The following SH3BP4 variants were observed in gnomAD, a reference collection of about 807,000 sequenced individuals.
SH3BP4 encodes SH3 domain-binding protein 4.
In SH3BP4, 33 loss-of-function variants were observed where a neutral mutation model predicts 65.5. That is an observed-to-expected ratio of 0.50 (90% CI 0.38 to 0.67). The LOEUF (loss-of-function observed/expected upper bound fraction) is 0.67, where lower values mean the gene tolerates loss of function less well. SH3BP4 is among the 30% of genes least tolerant of loss of function. The pLI is 0.00. For missense variants in SH3BP4, 1,134 were observed against 1,261.4 expected (o/e 0.90, Z 1.53); for synonymous variants, 552 against 545.5 (o/e 1.01, Z -0.17).
chr2:234,970,412 A>G (rs1243457200), intron 1 of SH3BP4, among the ~76,000 whole-genome samples: 1 of 152,194 alleles, frequency 6.6e-6, no homozygotes, highest in Non-Finnish European at 1.5e-5. Flanking sequence ...TTTTAATTTT[A>G]AAAGCATCCT....
At position 235,054,351 on chromosome 2, in the gene SH3BP4, G is replaced by GA. The variant is rs1457028023; in HGVS notation, c.*540dup. 1 of 153,594 alleles carries GA rather than the reference G, an allele frequency of 6.5e-6. No homozygotes were observed. The highest frequency in any genetic ancestry group is 6.4e-5 in the Admixed American group (1 of 15,644). The allele number at this position is 153,594 out of a possible 1,614,324, so 9.5% of individuals were successfully genotyped here. A position where few individuals can be genotyped will look rare whatever the true frequency, so the allele number is the denominator to read the frequency against. On this transcript the variant is annotated 3_prime_UTR_variant, in exon 6 of 6. Transcript: ENST00000392011. ...GCGTGTAAGAAGGTGAATCACGTGG[G>GA]AAAAAGTGGCTTTTCAGTAAACGGG...
chr2:235,015,011 C>G (rs975453898), intron 2 of SH3BP4, among the ~76,000 whole-genome samples: 2 of 152,192 alleles, frequency 1.3e-5, no homozygotes, highest in Non-Finnish European at 1.5e-5. Flanking sequence ...ATCCTTTAAC[C>G]CCTTGTTTGG....
At chr2:235,016,773 T>C (rs1375936485) in intron 2 of SH3BP4, among the ~76,000 whole-genome samples, 1 of 152,232 alleles carries the variant, frequency 6.6e-6, no homozygotes, top group Admixed American at 6.5e-5. Context: ...CCTCCCGAAG[T>C]GCTGGGATAA....
At position 235,054,014 on chromosome 2, in the gene SH3BP4, G is replaced by A. The variant is rs948859687; in HGVS notation, c.*198G>A. The A allele has an allele frequency of 3.5e-5, 19 of 537,846 alleles. No homozygotes were observed. The highest frequency in any genetic ancestry group is 6.0e-5 in the South Asian group (2 of 33,216). 33.3% of individuals were successfully genotyped at this position (537,846 alleles called of 1,614,324 possible). A position where few individuals can be genotyped will look rare whatever the true frequency, so the allele number is the denominator to read the frequency against. Reference sequence around the variant, plus strand: ...CTGAAGGGACTGCCTACTGCAGCTCGTTGCCAATCACATAGCTTTCTATTT... The same window carrying A: ...CTGAAGGGACTGCCTACTGCAGCTCATTGCCAATCACATAGCTTTCTATTT... On this transcript the variant is annotated 3_prime_UTR_variant, in exon 6 of 6. Coordinates refer to ENST00000392011, the MANE Select transcript of SH3BP4 (RefSeq NM_014521.3).
chr2:235,012,524 G>A lies in SH3BP4; in HGVS notation c.-133+17148G>A, dbSNP rs552888057. 3.3e-5 allele frequency among the ~76,000 whole-genome samples: 5 copies of A among 152,292 alleles called. No homozygotes were observed. In the East Asian group the frequency reaches 7.7e-4, roughly 24 times the overall value. ...GTCTGAGTGGGGACAATAACCAGCC[G>A]CACCGCAAGGGAGGGCTCTTCCTTT... On this transcript the variant is annotated intron_variant, in intron 2 of 5. Coordinates refer to ENST00000392011, the MANE Select transcript of SH3BP4 (RefSeq NM_014521.3).
intron 1 of SH3BP4, chr2:234,981,562 A>C (rs1386007989): frequency 6.6e-6 from 1 of 152,196 alleles, no homozygotes; most frequent in Non-Finnish European, 1.5e-5. Flanking sequence ...CGTGTTTAGA[A>C]GGAATGCATT....
chr2:234,984,644 TGACCAGAACCGACTGAGTGCTCAG>T (rs1693491261), intron 1 of SH3BP4, among the ~76,000 whole-genome samples: 1 of 152,186 alleles, frequency 6.6e-6, no homozygotes, highest in Non-Finnish European at 1.5e-5. Flanking sequence ...CCACTGGCTT[TGACCAGAACCGACTGAGTGCTCAG>T]GACCAGAACC....
intron 1 of SH3BP4, among the ~76,000 whole-genome samples, chr2:234,984,368 A>AT (rs55708607): frequency 4.3e-4 from 62 of 145,804 alleles, no homozygotes; most frequent in Admixed American, 6.9e-4. Flanking sequence ...TGCCTGGCTA[A>AT]TTTTTTTTTT....
intron 2 of SH3BP4, among the ~76,000 whole-genome samples, chr2:235,002,543 T>C (rs1694160535): frequency 6.6e-6 from 1 of 152,070 alleles, no homozygotes; most frequent in Non-Finnish European, 1.5e-5. Context: ...CTGGGCAACA[T>C]AGCAAAACCT....
Position 234,955,403 on chromosome 2 carries a change from C to A in SH3BP4, c.-207+3233C>A, listed in dbSNP as rs77967333. ...AACAATTCATCTAGCCCCCAAATACCCAGGGAACAATCCAGCTACTTGATT... is the reference window on the plus strand; with the variant it reads ...AACAATTCATCTAGCCCCCAAATACACAGGGAACAATCCAGCTACTTGATT... On this transcript the variant is annotated intron_variant, in intron 1 of 5. Transcript: ENST00000392011. Among the ~76,000 whole-genome samples the A allele has an allele frequency of 6.0e-4, 91 of 152,216 alleles. 3 individuals are homozygous for A. In the East Asian group the frequency reaches 0.016, roughly 27 times the overall value.
intron 1 of SH3BP4, among the ~76,000 whole-genome samples, chr2:234,966,118 C>T (rs150821986): frequency 5.3e-5 from 8 of 152,314 alleles, no homozygotes; most frequent in Admixed American, 3.3e-4. Context: ...GTGGCTCACA[C>T]CTGTAATCCC....
At chr2:235,016,482 C>T (rs1053257122) in intron 2 of SH3BP4, among the ~76,000 whole-genome samples, 11 of 152,098 alleles carry the variant, frequency 7.2e-5, no homozygotes, top group South Asian at 4.2e-4. Context: ...TCAGCACCAC[C>T]GCCCATTCAC....
intron 1 of SH3BP4, among the ~76,000 whole-genome samples, chr2:234,982,268 A>G (rs950105084): frequency 1.3e-5 from 2 of 152,002 alleles, no homozygotes; most frequent in Admixed American, 6.6e-5. Context: ...CAGGTGGGCT[A>G]TTGGCACCAG....
chr2:235,049,769 C>T (rs1395976739), intron 4 of SH3BP4, among the ~76,000 whole-genome samples: 1 of 152,194 alleles, frequency 6.6e-6, no homozygotes, highest in Admixed American at 6.5e-5. Flanking sequence ...TTCCCAATTC[C>T]ATGTGGGGCT....
chr2:234,983,685 C>T (rs539514955), intron 1 of SH3BP4, among the ~76,000 whole-genome samples: 3 of 152,234 alleles, frequency 2.0e-5, no homozygotes, highest in African/African-American at 7.2e-5. Context: ...AATGTTATCA[C>T]GGGTCTTTTA....
chr2:234,964,230 G>A (rs1692783076), intron 1 of SH3BP4, among the ~76,000 whole-genome samples: 1 of 152,154 alleles, frequency 6.6e-6, no homozygotes, highest in African/African-American at 2.4e-5. Flanking sequence ...CATGAGTTCT[G>A]GTTTTTTGTT....
At chr2:235,004,200 T>C (rs989529340) in intron 2 of SH3BP4, among the ~76,000 whole-genome samples, 1 of 152,242 alleles carries the variant, frequency 6.6e-6, no homozygotes, top group Non-Finnish European at 1.5e-5. Context: ...TTTTAATAAA[T>C]GTATCTTTCC....
In SH3BP4 at chr2:235,042,139, G is replaced by T. The variant is rs773068074; in HGVS notation, c.1370G>T (p.Gly457Val). 6 of 1,613,886 alleles carry T rather than the reference G, an allele frequency of 3.7e-6. No homozygotes were observed. In the East Asian group the frequency reaches 1.3e-4, roughly 36 times the overall value. Residue 457 changes from glycine (G) to valine (V), a missense_variant, in exon 4 of 6, where the codon GGC (glycine) becomes GTC (valine). By Grantham distance (109) the Gly-to-Val change is moderately radical. Coordinates refer to ENST00000392011, the MANE Select transcript of SH3BP4 (RefSeq NM_014521.3). This position sits in a 1 kb window ranked among gnomAD's most constrained non-coding sequence, Gnocchi z 7.3. ...ATGTACGTGGCTGTCGTGGCCCATGGCCCAAGCATCCTCTACCCTTCCACC... is the reference window on the plus strand; with the variant it reads ...ATGTACGTGGCTGTCGTGGCCCATGTCCCAAGCATCCTCTACCCTTCCACC... ...PCMYVAVVAH[G>V]PSILYPSTVW...
intron 1 of SH3BP4, among the ~76,000 whole-genome samples, chr2:234,985,799 C>A (rs1243772596): frequency 1.3e-5 from 2 of 152,096 alleles, no homozygotes; most frequent in Non-Finnish European, 2.9e-5. Context: ...GGTGAACCAG[C>A]CTGTGACACA....
Sources: gnomAD v4.1 joint callset for allele counts (sites outside exome capture counted in the v4.1 genomes callset) on GRCh38, gnomAD v4.1.1 for gene constraint, Gnocchi (gnomAD v3.1) non-coding constraint, MANE v1.5 for transcripts, NCBI Gene and HGNC (gene_info 2026-07-23, HGNC 2026-07-21) for gene names.